The following TMEM132C variants were observed in gnomAD, a reference collection of about 807,000 sequenced individuals.
TMEM132C encodes transmembrane protein 132C.
TMEM132C carries 29 observed loss-of-function variants against 61.4 expected under a neutral mutation model. The observed-to-expected ratio is 0.47, with a 90% CI of 0.35 to 0.64. The LOEUF is 0.64. Ranked by LOEUF, TMEM132C falls within the 30% of genes least tolerant of loss-of-function variation. TMEM132C has a pLI of 0.00. For synonymous variants in TMEM132C, 656 were observed against 633.1 expected, an observed-to-expected ratio of 1.04 and a Z score of -0.54; for missense variants, 1,408 against 1,476.9, an observed-to-expected ratio of 0.95 and a Z score of 0.76.
At chr12:128,367,597 G>A (rs1873907456) in intron 1 of TMEM132C, among the ~76,000 whole-genome samples, 1 of 152,150 alleles carries the variant, frequency 6.6e-6, no homozygotes, top group South Asian at 2.1e-4. Flanking sequence ...GTCCACTGGA[G>A]TGGCCATTTC....
intron 3 of TMEM132C, among the ~76,000 whole-genome samples, chr12:128,572,012 G>A (rs966568080): frequency 2.6e-5 from 4 of 152,216 alleles, no homozygotes; most frequent in Admixed American, 2.0e-4. Context: ...TGTCTCTGCT[G>A]GCCTCTGATT....
intron 2 of TMEM132C, among the ~76,000 whole-genome samples, chr12:128,489,562 C>CATATATATATATATAT (rs10654008): frequency 0.032 from 4,419 of 137,986 alleles, 84 homozygotes; most frequent in Admixed American, 0.052. Context: ...TTTATATGCT[C>CATATATATATATATAT]ATATATATAT....
At chr12:128,277,204 A>G (rs1870722831) in intron 1 of TMEM132C, among the ~76,000 whole-genome samples, 1 of 152,210 alleles carries the variant, frequency 6.6e-6, no homozygotes, top group African/African-American at 2.4e-5. Context: ...AAACCATACC[A>G]AAGTCAAAAG....
intron 2 of TMEM132C, among the ~76,000 whole-genome samples, chr12:128,460,946 CTT>C (rs1035032272): frequency 6.6e-6 from 1 of 152,116 alleles, no homozygotes; most frequent in Non-Finnish European, 1.5e-5. Context: ...GCCACGGTGA[CTT>C]AACTTGAAAA....
At position 128,415,004 on chromosome 12, in the gene TMEM132C, G is replaced by A; in HGVS notation, c.358G>A (p.Gly120Ser). Residue 120 changes from glycine (G) to serine (S), a missense_variant, in exon 2 of 9, where the codon GGT (glycine) becomes AGT (serine). Gly to Ser is a moderately conservative substitution (Grantham distance 56). Coordinates refer to ENST00000435159, the MANE Select transcript of TMEM132C (RefSeq NM_001136103.3). This position sits in a 1 kb window ranked among gnomAD's most constrained non-coding sequence, Gnocchi z 5.8. ...CTTGATGTTGACTTCAAACTTTTTA[G>A]GTCCAACCAATAAGTTTAGTTTTGA... ...LDLMLTSNFL[G>S]PTNKFSFDWK... 6.4e-7 allele frequency: 1 copy of A among 1,553,828 alleles called. No individual in the cohort carries two copies. Among genetic ancestry groups the A allele is most frequent in the Non-Finnish European group, 8.7e-7 (1 of 1,148,102 alleles).
In TMEM132C at chr12:128,650,622, G is replaced by A. The variant is rs78590784; in HGVS notation, c.1306-18795G>A. 9.4e-3 allele frequency among the ~76,000 whole-genome samples: 1,429 copies of A among 152,092 alleles called. 19 individuals carry two copies. Among genetic ancestry groups the A allele is most frequent in the African/African-American group, 0.027 (1,138 of 41,502 alleles). The stretch of plus-strand genomic sequence containing the variant: ...TGCATGCCTGCAGTCCCAGCTACTC[G>A]GGAGGCTGAAATGGGAAGATTGTTT... On this transcript the variant is annotated intron_variant, in intron 4 of 8. Transcript: ENST00000435159.
At chr12:128,552,945 T>C (rs1365129747) in intron 3 of TMEM132C, among the ~76,000 whole-genome samples, 3 of 152,004 alleles carry the variant, frequency 2.0e-5, no homozygotes, top group African/African-American at 7.2e-5. Flanking sequence ...AAAAATCCTA[T>C]TGAAGTCTAG....
intron 4 of TMEM132C, among the ~76,000 whole-genome samples, chr12:128,641,224 T>C (rs1253776030): frequency 6.6e-6 from 1 of 152,066 alleles, no homozygotes; most frequent in African/African-American, 2.4e-5. Flanking sequence ...ACTTCCATCA[T>C]CTTCCCCACA....
At chr12:128,632,445 A>G (rs960321198) in intron 4 of TMEM132C, among the ~76,000 whole-genome samples, 3 of 152,236 alleles carry the variant, frequency 2.0e-5, no homozygotes, top group Non-Finnish European at 4.4e-5. Flanking sequence ...GCTGTTATTT[A>G]TGATCCATAC....
chr12:128,321,482 G>A (rs2135935463), intron 1 of TMEM132C, among the ~76,000 whole-genome samples: 1 of 152,332 alleles, frequency 6.6e-6, no homozygotes, highest in South Asian at 2.1e-4. Flanking sequence ...TAGAGATGGA[G>A]AGGGTGGTGG....
At chr12:128,585,602 T>G (rs1044222678) in intron 3 of TMEM132C, among the ~76,000 whole-genome samples, 2 of 152,242 alleles carry the variant, frequency 1.3e-5, no homozygotes, top group African/African-American at 4.8e-5. Flanking sequence ...TGAAATATTG[T>G]ATAGCCATTT....
intron 1 of TMEM132C, among the ~76,000 whole-genome samples, chr12:128,341,095 C>G (rs1485379829): frequency 1.3e-5 from 2 of 152,012 alleles, no homozygotes; most frequent in African/African-American, 4.8e-5. Context: ...TACCCACTAC[C>G]AGGACCGGCT....
intron 1 of TMEM132C, among the ~76,000 whole-genome samples, chr12:128,363,768 C>G (rs1873776032): frequency 1.3e-5 from 2 of 151,538 alleles, no homozygotes; most frequent in East Asian, 3.9e-4. Context: ...TAACTCGAAC[C>G]CAGAAGGCGG....
chr12:128,585,665 G>C (rs929918425), intron 3 of TMEM132C, among the ~76,000 whole-genome samples: 2 of 152,184 alleles, frequency 1.3e-5, no homozygotes, highest in African/African-American at 2.4e-5. Flanking sequence ...AAGAAATACC[G>C]CAAAGTCAAA....
rs60933098 is a variant in TMEM132C, at chr12:128,570,537, G to A, written c.1121+26434G>A. ...AGAAACTAGATTGCAGAGGCCTAAC[G>A]AAACACGGCTTTTTTTTTTCCTTTG... On this transcript the variant is annotated intron_variant, in intron 3 of 8. Coordinates refer to ENST00000435159, the MANE Select transcript of TMEM132C (RefSeq NM_001136103.3). This position sits in a 1 kb window ranked among gnomAD's most constrained non-coding sequence, Gnocchi z 4.7. 8.3e-3 allele frequency among the ~76,000 whole-genome samples: 1,263 copies of A among 152,166 alleles called. 23 individuals are homozygous for A. The highest frequency in any genetic ancestry group is 0.029 in the African/African-American group (1,199 of 41,500).
At chr12:128,501,445 TA>T (rs891481033) in intron 2 of TMEM132C, among the ~76,000 whole-genome samples, 13 of 152,368 alleles carry the variant, frequency 8.5e-5, no homozygotes, top group African/African-American at 3.1e-4. Context: ...TCATAGCTCC[TA>T]ACTAAGTGAG....
chr12:128,410,526 C>T (rs1347390336), intron 1 of TMEM132C, among the ~76,000 whole-genome samples: 1 of 152,090 alleles, frequency 6.6e-6, no homozygotes, highest in East Asian at 1.9e-4. Context: ...CCTCAGCCTC[C>T]CAAGTAGCTG....
intron 1 of TMEM132C, among the ~76,000 whole-genome samples, chr12:128,370,725 A>G (rs1237145117): frequency 6.6e-6 from 1 of 152,128 alleles, no homozygotes; most frequent in Non-Finnish European, 1.5e-5. Flanking sequence ...TGTAAGAGTC[A>G]TCTTCCCAAG....
intron 2 of TMEM132C, among the ~76,000 whole-genome samples, chr12:128,429,074 CCTT>C (rs1869294919): frequency 6.6e-6 from 1 of 152,156 alleles, no homozygotes; most frequent in Non-Finnish European, 1.5e-5. Flanking sequence ...GCAGCATCTA[CCTT>C]CTTTGGGAGG....
Sources: gnomAD v4.1 joint callset for allele counts (sites outside exome capture counted in the v4.1 genomes callset) on GRCh38, gnomAD v4.1.1 for gene constraint, Gnocchi (gnomAD v3.1) non-coding constraint, MANE v1.5 for transcripts, NCBI Gene and HGNC (gene_info 2026-07-23, HGNC 2026-07-21) for gene names.